The following SLC25A48 variants were observed in gnomAD, a reference collection of about 807,000 sequenced individuals.
The protein encoded by SLC25A48 is solute carrier family 25 member 48, also known as CTC-321K16.1.
In SLC25A48, 29 loss-of-function variants were observed where a neutral mutation model predicts 32.2. The ratio of observed to expected loss-of-function variants is 0.90; its 90% CI spans 0.67 to 1.23. SLC25A48 has a LOEUF of 1.23. SLC25A48 is among the 50% of genes most tolerant of loss of function. The pLI, the probability that SLC25A48 is intolerant of heterozygous loss-of-function variation, is 0.00. For missense variants in SLC25A48, 399 were observed against 422.7 expected, an observed-to-expected ratio of 0.94 and a Z score of 0.49; for synonymous variants, 164 against 172.3, an observed-to-expected ratio of 0.95 and a Z score of 0.38.
chr5:135,860,375 A>G (rs1235736993), intron 4 of SLC25A48, among the ~76,000 whole-genome samples: 1 of 152,148 alleles, frequency 6.6e-6, no homozygotes, highest in Non-Finnish European at 1.5e-5. Flanking sequence ...CTATTAGAAA[A>G]GCAGTAGTTC....
At chr5:135,634,350 C>T (rs956138986) in intron 2 of SLC25A48, among the ~76,000 whole-genome samples, 2 of 152,182 alleles carry the variant, frequency 1.3e-5, no homozygotes, top group Admixed American at 6.5e-5. Flanking sequence ...GAGGGAAGGG[C>T]GAAATACCTT....
At chr5:135,817,359 A>T (rs1415987525) in intron 4 of SLC25A48, among the ~76,000 whole-genome samples, 23 of 152,268 alleles carry the variant, frequency 1.5e-4, no homozygotes, top group Admixed American at 1.3e-3. Flanking sequence ...AGATCAATGG[A>T]ACAGAATAGA....
chr5:135,582,444 C>T (rs948011516), intron 1 of SLC25A48, among the ~76,000 whole-genome samples: 4 of 151,968 alleles, frequency 2.6e-5, no homozygotes, highest in South Asian at 2.1e-4. Context: ...GACAGGGTGA[C>T]GAGGTGGGGA....
intron 2 of SLC25A48, among the ~76,000 whole-genome samples, chr5:135,844,212 G>T (rs1759234319): frequency 6.6e-6 from 1 of 152,220 alleles, no homozygotes; most frequent in South Asian, 2.1e-4. Flanking sequence ...ACGGGGCTGG[G>T]CACAGCCTCC....
intron 3 of SLC25A48, among the ~76,000 whole-genome samples, chr5:135,789,750 G>A (rs12653449): frequency 0.65 from 98,431 of 151,546 alleles, 34,107 homozygotes; most frequent in Non-Finnish European, 0.77. Context: ...GGATAGCCTG[G>A]TATTACTTCT....
intron 3 of SLC25A48, among the ~76,000 whole-genome samples, chr5:135,785,876 T>G (rs1342707645): frequency 7.1e-6 from 1 of 141,746 alleles, no homozygotes; most frequent in East Asian, 2.2e-4. Context: ...GGTGGGGAGG[T>G]GGTGACATTA....
chr5:135,758,402 T>C (rs1030573753), intron 3 of SLC25A48, among the ~76,000 whole-genome samples: 4 of 150,870 alleles, frequency 2.7e-5, no homozygotes, highest in Admixed American at 1.3e-4. Context: ...AATAGAATAT[T>C]ATCTATGATA....
At chr5:135,649,845 G>A (rs1199026366) in intron 3 of SLC25A48, 1 of 159,894 alleles carries the variant, frequency 6.3e-6, no homozygotes, top group Admixed American at 5.9e-5. Flanking sequence ...AGAGGACTAT[G>A]TGTGTACCCA....
intron 3 of SLC25A48, among the ~76,000 whole-genome samples, chr5:135,638,769 A>G (rs1425029405): frequency 6.6e-6 from 1 of 152,224 alleles, no homozygotes; most frequent in African/African-American, 2.4e-5. Context: ...CTCAGATTTA[A>G]TGAAAACCAT....
chr5:135,820,903 T>C (rs1455007714), intron 4 of SLC25A48, among the ~76,000 whole-genome samples: 3 of 152,332 alleles, frequency 2.0e-5, no homozygotes, highest in Admixed American at 6.5e-5. Flanking sequence ...TAGCCATGCC[T>C]GAGCCTGGAG....
chr5:135,694,144 C>A (rs1754212637), intron 3 of SLC25A48, among the ~76,000 whole-genome samples: 1 of 152,148 alleles, frequency 6.6e-6, no homozygotes, highest in Admixed American at 6.5e-5. Flanking sequence ...AATGGCTGGG[C>A]CTGCACAGAG....
rs554954145 is a variant in SLC25A48 at position 135,679,963 on chromosome 5, C to T, written c.-521+45007C>T. On this transcript the variant is annotated intron_variant, in intron 3 of 10. Coordinates refer to the SLC25A48 transcript ENST00000646290. The stretch of plus-strand genomic sequence containing the variant: ...TGAAAGTCTTGGAGCCTTCCCATGG[C>T]TAGGATGCAGGTATCTACAGTGGGA... 7.9e-5 allele frequency among the ~76,000 whole-genome samples: 12 copies of T among 152,250 alleles called. No homozygotes were observed. The South Asian group carries it at 2.5e-3, about 32-fold the overall frequency.
At position 135,842,442 on chromosome 5, in the gene SLC25A48, C is replaced by T. The variant is rs1295905607; in HGVS notation, c.73C>T (p.Pro25Ser). ...TGCAGCCAGTGTCATCGTTGGCCAC[C>T]CTCTGGACACAGTCAAGGTACAGTA... ...GGAASVIVGH[P>S]LDTVKTRLQA... Residue 25 changes from proline to serine, a missense_variant, in exon 2 of 8, where the codon CCT (proline) becomes TCT (serine). Physicochemically the swap from Pro to Ser is moderately conservative, Grantham distance 74. Transcript: ENST00000681962. 1 of 1,613,820 alleles carries T rather than the reference C, an allele frequency of 6.2e-7. No homozygotes were observed. Among genetic ancestry groups the T allele is most frequent in the Admixed American group, 1.7e-5 (1 of 60,024 alleles).
chr5:135,784,912 A>C lies in SLC25A48; in HGVS notation c.-520-27611A>C, dbSNP rs903992061. ...GATATTACAAGCAATATTACAAGGA[A>C]TGTACACACCCCCATGTGACATTAT... is the stretch of plus-strand genomic sequence containing the variant. On this transcript the variant is annotated intron_variant, in intron 3 of 10. Coordinates refer to the SLC25A48 transcript ENST00000646290. Among the ~76,000 whole-genome samples the C allele has an allele frequency of 1.7e-5, 2 of 119,042 alleles. 1 individual carries two copies. The highest frequency in any genetic ancestry group is 4.1e-5 in the Non-Finnish European group (2 of 48,246). The allele number at this position is 119,042 out of a possible 152,430, so 78.1% of individuals were successfully genotyped here. A position where few individuals can be genotyped will look rare whatever the true frequency, so the allele number is the denominator to read the frequency against.
chr5:135,636,083 T>C (rs1232033142), intron 3 of SLC25A48, among the ~76,000 whole-genome samples: 1 of 152,192 alleles, frequency 6.6e-6, no homozygotes, highest in Non-Finnish European at 1.5e-5. Context: ...ATGATTCTCA[T>C]GAAAAAAGAG....
chr5:135,579,462 G>C (rs1751183701), exon 1 of SLC25A48: 1 of 152,820 alleles, frequency 6.5e-6, no homozygotes, highest in Admixed American at 6.5e-5. Context: ...CAGGTGCCAA[G>C]TGTGAGTGCC....
chr5:135,846,575 C>T, intron 2 of SLC25A48, among the ~76,000 whole-genome samples: 1 of 152,138 alleles, frequency 6.6e-6, no homozygotes, highest in South Asian at 2.1e-4. Context: ...TCCTCTTCTC[C>T]TTGGGTTTTC....
At chr5:135,718,143 G>T (rs975127716) in intron 3 of SLC25A48, among the ~76,000 whole-genome samples, 1 of 152,018 alleles carries the variant, frequency 6.6e-6, no homozygotes, top group African/African-American at 2.4e-5. Flanking sequence ...GGGTAGCTGG[G>T]ACTACAGGTG....
intron 3 of SLC25A48, among the ~76,000 whole-genome samples, chr5:135,716,273 T>C (rs922599267): frequency 6.6e-6 from 1 of 152,224 alleles, no homozygotes; most frequent in African/African-American, 2.4e-5. Flanking sequence ...GCACAATTAC[T>C]GAGAAAACTG....
Sources: allele counts gnomAD v4.1 joint callset (sites outside exome capture counted in the v4.1 genomes callset), GRCh38; gene constraint gnomAD v4.1.1; transcripts MANE v1.5; gene names NCBI Gene and HGNC (gene_info 2026-07-23, HGNC 2026-07-21).